The following POLGARF variants were observed in gnomAD, a reference collection of about 807,000 sequenced individuals.
POLGARF encodes POLG alternative reading frame.
chr15:89,331,749 G>A, the POLGARF span, among the ~76,000 whole-genome samples: 4 of 152,128 alleles, frequency 2.6e-5, no homozygotes, highest in East Asian at 1.9e-4. Flanking sequence ...AAAGTGGACC[G>A]CTATTAGGGC....
At chr15:89,331,937 A>C in the POLGARF span, among the ~76,000 whole-genome samples, 1 of 152,184 alleles carries the variant, frequency 6.6e-6, no homozygotes, top group East Asian at 1.9e-4. Context: ...GGGAAAGGAG[A>C]GGTAAAAAGA....
the POLGARF span, chr15:89,333,746 G>C: frequency 1.3e-6 from 2 of 1,535,322 alleles, no homozygotes; most frequent in Non-Finnish European, 1.7e-6. Context: ...TCCAGAGCAG[G>C]CGGCTCATGG....
chr15:89,333,254 C>T, the POLGARF span: 2 of 1,563,518 alleles, frequency 1.3e-6, no homozygotes, highest in Non-Finnish European at 1.7e-6. Flanking sequence ...AGGCCCAAGC[C>T]GGGGGCTTCG....
the POLGARF span, chr15:89,333,125 T>C: frequency 2.0e-6 from 3 of 1,524,480 alleles, no homozygotes; most frequent in Non-Finnish European, 2.6e-6. Flanking sequence ...CCACCGCCAA[T>C]GTGGGGCAAG....
the POLGARF span, chr15:89,330,287 T>A: frequency 6.2e-7 from 1 of 1,605,716 alleles, no homozygotes; most frequent in Non-Finnish European, 8.5e-7. Flanking sequence ...CTGAGGGAGG[T>A]GAGAGGCAGG....
chr15:89,333,615 T>TGCTGCC, the POLGARF span: 1 of 1,600,888 alleles, frequency 6.2e-7, no homozygotes, highest in Non-Finnish European at 8.5e-7. Flanking sequence ...CTGCTGCTGC[T>TGCTGCC]GCTGCTGCTG....
chr15:89,330,362 G>A, the POLGARF span: 1 of 1,023,842 alleles, frequency 9.8e-7, no homozygotes, highest in Non-Finnish European at 1.5e-6. Context: ...ACCGCCACAT[G>A]CCAGATGGTG....
chr15:89,331,500 TTAAGA>T, the POLGARF span, among the ~76,000 whole-genome samples: 5 of 152,166 alleles, frequency 3.3e-5, no homozygotes, highest in African/African-American at 1.2e-4. Context: ...CAAGCCAAAT[TTAAGA>T]TGAGTAGGGA....
chr15:89,333,200 T>C, the POLGARF span: 1 of 1,573,838 alleles, frequency 6.4e-7, no homozygotes, highest in Non-Finnish European at 8.6e-7. Context: ...TGGCCACGGG[T>C]ACGGCCTCCC....
the POLGARF span, among the ~76,000 whole-genome samples, chr15:89,330,438 T>G: frequency 6.6e-6 from 1 of 152,130 alleles, no homozygotes; most frequent in Non-Finnish European, 1.5e-5. Flanking sequence ...ACAGGTCAGG[T>G]GTGGCAGGGT....
the POLGARF span, among the ~76,000 whole-genome samples, chr15:89,330,634 C>A: frequency 2.6e-5 from 4 of 152,108 alleles, no homozygotes; most frequent in Admixed American, 6.5e-5. Context: ...ACATTATCAA[C>A]CCCTCACGTC....
At chr15:89,333,268 G>A in the POLGARF span, 20 of 1,561,606 alleles carry the variant, frequency 1.3e-5, no homozygotes, top group Admixed American at 1.9e-4. Flanking sequence ...GGCTTCGGGG[G>A]CAGCTGGGCC....
chr15:89,332,008 G>T, the POLGARF span, among the ~76,000 whole-genome samples: 4 of 152,290 alleles, frequency 2.6e-5, no homozygotes, highest in East Asian at 5.8e-4. Flanking sequence ...TAAAATGACC[G>T]ACAGATCAAA....
chr15:89,332,761 G>A, the POLGARF span, among the ~76,000 whole-genome samples: 1 of 152,140 alleles, frequency 6.6e-6, no homozygotes. Flanking sequence ...TGACTTTTCA[G>A]ACTAACTTCT....
the POLGARF span, chr15:89,333,634 G>A: frequency 1.3e-6 from 2 of 1,593,484 alleles, no homozygotes; most frequent in East Asian, 2.3e-5. Flanking sequence ...TGCTGCCGCC[G>A]CCGCTGCCCG....
At chr15:89,333,760 G>T in the POLGARF span, 1 of 1,535,084 alleles carries the variant, frequency 6.5e-7, no homozygotes, top group African/African-American at 1.4e-5. Context: ...CTCATGGTTG[G>T]TGCAGGGACC....
the POLGARF span, chr15:89,333,605 C>T: frequency 1.9e-5 from 30 of 1,580,682 alleles, no homozygotes; most frequent in South Asian, 3.4e-5. Flanking sequence ...GTTGCTGCTG[C>T]TGCTGCTGCT....
chr15:89,331,456 G>T, the POLGARF span, among the ~76,000 whole-genome samples: 1 of 152,210 alleles, frequency 6.6e-6, no homozygotes, highest in South Asian at 2.1e-4. Context: ...AGCTGTGCAT[G>T]AAGCCATATT....
At chr15:89,333,538 G>C in the POLGARF span, 1 of 1,612,796 alleles carries the variant, frequency 6.2e-7, no homozygotes, top group African/African-American at 1.3e-5. Context: ...ATGTCCAATG[G>C]GTTGTGCCGC....
Sources: allele counts gnomAD v4.1 joint callset (sites outside exome capture counted in the v4.1 genomes callset), GRCh38; gene constraint gnomAD v4.1.1; transcripts MANE v1.5; gene names NCBI Gene and HGNC (gene_info 2026-07-23, HGNC 2026-07-21).